The following PTPRN2 variants were observed in gnomAD, a reference collection of about 807,000 sequenced individuals.
PTPRN2 encodes receptor-type tyrosine-protein phosphatase N2.
In PTPRN2, 74 loss-of-function variants were observed where a neutral mutation model predicts 118.8. The ratio of observed to expected loss-of-function variants is 0.62; its 90% CI spans 0.52 to 0.76. PTPRN2 has a LOEUF of 0.76. Ranked by LOEUF, PTPRN2 falls within the 30% of genes least tolerant of loss-of-function variation. PTPRN2 has a pLI of 0.00. For synonymous variants in PTPRN2, 641 were observed against 608.0 expected (o/e 1.05, Z -0.80); for missense variants, 1,481 against 1,394.4 (o/e 1.06, Z -0.99).
Position 158,570,921 on chromosome 7 carries a change from C to T in PTPRN2, c.112+16637G>A, listed in dbSNP as rs1410518729. Among the ~76,000 whole-genome samples, 1 of 152,238 alleles carries T rather than the reference C, an allele frequency of 6.6e-6. No individual in the cohort carries two copies. Among genetic ancestry groups the T allele is most frequent in the African/African-American group, 2.4e-5 (1 of 41,464 alleles). Reference sequence around the variant, plus strand: ...CCTCTGGCCTTCCTCTGCTCAGAAGCCCACCCCTGCAGAGCAAAGCCCGGG... The same window carrying T: ...CCTCTGGCCTTCCTCTGCTCAGAAGTCCACCCCTGCAGAGCAAAGCCCGGG... On this transcript the variant is annotated intron_variant, in intron 1 of 22. Coordinates refer to ENST00000389418, the MANE Select transcript of PTPRN2 (RefSeq NM_002847.5). The surrounding 1 kb of genome is among the most constrained non-coding windows in gnomAD (Gnocchi z 4.5).
intron 2 of PTPRN2, among the ~76,000 whole-genome samples, chr7:158,463,281 C>T (rs549232999): frequency 2.6e-5 from 4 of 152,262 alleles, no homozygotes; most frequent in African/African-American, 9.6e-5. Flanking sequence ...CTGTCCCCCA[C>T]CCCAAATCAT....
chr7:157,938,249 T>C lies in PTPRN2; in HGVS notation c.1724-39512A>G, dbSNP rs114588464. ...TCAGAAAAACTGCAGCACCCACTGG[T>C]TGGAAATTACATCTGAACTGCAGTG... On this transcript the variant is annotated intron_variant, in intron 11 of 22. Transcript: ENST00000389418. Among the ~76,000 whole-genome samples the C allele has an allele frequency of 9.7e-4, 148 of 152,298 alleles. 1 individual carries two copies. The highest frequency in any genetic ancestry group is 3.3e-3 in the African/African-American group (139 of 41,574).
intron 9 of PTPRN2, among the ~76,000 whole-genome samples, chr7:158,123,939 C>T (rs1018573213): frequency 5.4e-5 from 8 of 149,526 alleles, no homozygotes; most frequent in African/African-American, 4.9e-5. Flanking sequence ...CCTCAGATCC[C>T]GTGCCGACCC....
chr7:157,683,636 G>T (rs1460174935), intron 12 of PTPRN2, among the ~76,000 whole-genome samples: 1 of 152,090 alleles, frequency 6.6e-6, no homozygotes, highest in East Asian at 1.9e-4. Context: ...TCACTTCTCA[G>T]CGAGGAAAAC....
chr7:158,081,458 GGTGT>G, intron 10 of PTPRN2, 81 bp from the exon 11 acceptor site: 1 of 1,390,680 alleles, frequency 7.2e-7, no homozygotes. Flanking sequence ...GGAAAACACT[GGTGT>G]GTTTTTAAAA....
At chr7:157,859,683 C>T (rs1408311615) in intron 12 of PTPRN2, among the ~76,000 whole-genome samples, 4 of 42,676 alleles carry the variant, frequency 9.4e-5, no homozygotes, top group Non-Finnish European at 1.3e-4. Context: ...GCCTCCCAGC[C>T]ACCACCCACA....
rs1232056036 is a variant in PTPRN2, at chr7:157,841,538, A to T, written c.1788+57135T>A. Among the ~76,000 whole-genome samples the T allele has an allele frequency of 1.3e-5, 2 of 152,126 alleles. 1 individual carries two copies. The highest frequency in any genetic ancestry group is 2.9e-5 in the Non-Finnish European group (2 of 68,024). ...TAAATTAGTCTTAAACACACACACA[A>T]ATCTATCTGAGGCAGGGAAACTGCC... On this transcript the variant is annotated intron_variant, in intron 12 of 22. Coordinates refer to ENST00000389418, the MANE Select transcript of PTPRN2 (RefSeq NM_002847.5).
chr7:158,149,556 C>G (rs528601454), intron 6 of PTPRN2, among the ~76,000 whole-genome samples: 2 of 152,014 alleles, frequency 1.3e-5, no homozygotes, highest in Non-Finnish European at 2.9e-5. Context: ...GTAATCCCAG[C>G]ACTTTGGGGT....
At chr7:158,401,643 T>C (rs1157120867) in intron 2 of PTPRN2, among the ~76,000 whole-genome samples, 1 of 152,268 alleles carries the variant, frequency 6.6e-6, no homozygotes, top group Admixed American at 6.5e-5. Flanking sequence ...AATGCTAGTT[T>C]AATAACTAAA....
intron 2 of PTPRN2, among the ~76,000 whole-genome samples, chr7:158,449,737 A>C (rs1053013171): frequency 6.6e-5 from 10 of 152,216 alleles, no homozygotes; most frequent in African/African-American, 2.4e-4. Flanking sequence ...AGAGCATGTC[A>C]CACATCAGTT....
chr7:158,342,540 C>G (rs71547521), intron 2 of PTPRN2, among the ~76,000 whole-genome samples: 1 of 143,904 alleles, frequency 6.9e-6, no homozygotes, highest in Non-Finnish European at 1.5e-5. Context: ...AGACGTCACT[C>G]ACACCCACAC....
chr7:157,850,757 G>A (rs1027677338), intron 12 of PTPRN2, among the ~76,000 whole-genome samples: 17 of 152,204 alleles, frequency 1.1e-4, no homozygotes, highest in Non-Finnish European at 1.6e-4. Flanking sequence ...GCATGGAGGC[G>A]GAAGCTTCTT....
chr7:157,665,488 G>C (rs1357154566), intron 13 of PTPRN2, among the ~76,000 whole-genome samples: 3 of 152,232 alleles, frequency 2.0e-5, no homozygotes, highest in African/African-American at 7.2e-5. Flanking sequence ...CTGGACGGAG[G>C]CTCCATCCCA....
chr7:157,680,329 C>T (rs765047109), intron 13 of PTPRN2, among the ~76,000 whole-genome samples: 3 of 152,040 alleles, frequency 2.0e-5, no homozygotes, highest in South Asian at 2.1e-4. Context: ...TACATTAATG[C>T]GAGAAGACAC....
chr7:158,273,112 G>A (rs1239795520), intron 3 of PTPRN2, among the ~76,000 whole-genome samples: 1 of 144,910 alleles, frequency 6.9e-6, no homozygotes, highest in Non-Finnish European at 1.5e-5. Context: ...TGGGACGAAG[G>A]GGAGAGAGGA....
At chr7:158,274,089 G>T (rs544997652) in intron 3 of PTPRN2, among the ~76,000 whole-genome samples, 12 of 128,190 alleles carry the variant, frequency 9.4e-5, no homozygotes, top group African/African-American at 3.7e-4. Context: ...GACACAGGGG[G>T]AGCTGCAGAC....
At position 158,581,018 on chromosome 7, in the gene PTPRN2, C is replaced by T. The variant is rs533433701; in HGVS notation, c.112+6540G>A. On this transcript the variant is annotated intron_variant, in intron 1 of 22. Transcript: ENST00000389418. Reference sequence around the variant, plus strand: ...GTGCCAAAGAGCACTTTAAAATCTCCGTGGCCTGAGGTTGAGAAGCTTCTA... The same window carrying T: ...GTGCCAAAGAGCACTTTAAAATCTCTGTGGCCTGAGGTTGAGAAGCTTCTA... Among the ~76,000 whole-genome samples the T allele has an allele frequency of 1.5e-4, 23 of 152,320 alleles. No homozygotes were observed. The East Asian group carries it at 1.5e-3, about 10-fold the overall frequency.
At chr7:158,075,231 A>G (rs964611902) in intron 11 of PTPRN2, among the ~76,000 whole-genome samples, 1 of 152,176 alleles carries the variant, frequency 6.6e-6, no homozygotes, top group Non-Finnish European at 1.5e-5. Context: ...GAATGGAGTC[A>G]TGGGGTGCAG....
rs111258926 is a variant in PTPRN2, at chr7:157,575,669, G to A, written c.2783+944C>T. Among the ~76,000 whole-genome samples the A allele has an allele frequency of 5.2e-3, 799 of 152,232 alleles. 8 individuals carry two copies. The highest frequency in any genetic ancestry group is 0.017 in the African/African-American group (726 of 41,534). ...GCTTCTTTATGACAATCTTTGTCTCGTTAACCTCCCTCCAGTTACATAACT... is the reference window on the plus strand; with the variant it reads ...GCTTCTTTATGACAATCTTTGTCTCATTAACCTCCCTCCAGTTACATAACT... On this transcript the variant is annotated intron_variant, in intron 19 of 22. Transcript: ENST00000389418.
Sources: gnomAD v4.1 joint callset for allele counts (sites outside exome capture counted in the v4.1 genomes callset) on GRCh38, gnomAD v4.1.1 for gene constraint, Gnocchi (gnomAD v3.1) non-coding constraint, MANE v1.5 for transcripts, NCBI Gene and HGNC (gene_info 2026-07-23, HGNC 2026-07-21) for gene names.